CD226: variants seen among roughly 807,000 people sequenced by gnomAD.
CD226 encodes the protein CD226 molecule.
Under a neutral mutation model 34.9 loss-of-function variants are expected in CD226, and 24 were observed. The observed-to-expected ratio is 0.69, with a 90% CI of 0.50 to 0.97. The LOEUF (loss-of-function observed/expected upper bound fraction) is 0.97, where lower values mean the gene tolerates loss of function less well. Ranked by LOEUF, CD226 falls within the 50% of genes least tolerant of loss-of-function variation. The pLI is 0.00. For missense variants in CD226, 397 were observed against 412.7 expected (o/e 0.96, Z 0.33); for synonymous variants, 148 against 147.4 (o/e 1.00, Z -0.03).
rs79158855 is a variant in CD226, at chr18:69,895,916, C to T, written c.512G>A (p.Arg171His). 1.7e-3 allele frequency: 2,710 copies of T among 1,614,144 alleles called. 2 individuals are homozygous for T. The highest frequency in any genetic ancestry group is 2.2e-3 in the Non-Finnish European group (2,555 of 1,180,028). The change falls in exon 3 of 6, where the codon CGT becomes CAT. Residue 171 changes from arginine to histidine, a missense_variant. Coordinates refer to ENST00000582621, the MANE Select transcript of CD226 (RefSeq NM_001303618.2). The stretch of plus-strand genomic sequence containing the variant: ...GCAGTAAGTTAAGAGGTCGATCTGA[C>T]GGGGCTGGATCTTTTCCCACCTCAC... ...QAVRWEKIQP[R>H]QIDLLTYCNL...
chr18:69,943,598 T>C (rs1260864123), intron 2 of CD226, among the ~76,000 whole-genome samples: 1 of 152,228 alleles, frequency 6.6e-6, no homozygotes, highest in African/African-American at 2.4e-5. Context: ...GTAGCATTGA[T>C]AGGAGGTACA....
At chr18:69,902,720 G>A (rs1255391421) in intron 2 of CD226, among the ~76,000 whole-genome samples, 1 of 151,744 alleles carries the variant, frequency 6.6e-6, no homozygotes, top group Admixed American at 6.6e-5. Flanking sequence ...CCTCTCCCCA[G>A]GGTTTCTAAA....
At chr18:69,934,218 T>C (rs1157276952) in intron 2 of CD226, among the ~76,000 whole-genome samples, 1 of 151,938 alleles carries the variant, frequency 6.6e-6, no homozygotes, top group African/African-American at 2.4e-5. Flanking sequence ...TGACTTAAAA[T>C]TTGCTATAGT....
chr18:69,917,965 G>C (rs1002344199), intron 2 of CD226, among the ~76,000 whole-genome samples: 1 of 152,130 alleles, frequency 6.6e-6, no homozygotes. Flanking sequence ...TTGAAAACAA[G>C]TCAGCTGCCC....
At chr18:69,880,526 CT>C (rs1309630931) in intron 3 of CD226, among the ~76,000 whole-genome samples, 2 of 151,746 alleles carry the variant, frequency 1.3e-5, no homozygotes, top group African/African-American at 4.8e-5. Flanking sequence ...AAATTAATGT[CT>C]TAGAAGTAGA....
chr18:69,888,530 C>G lies in CD226; in HGVS notation c.727+7171G>C, dbSNP rs141424242. Among the ~76,000 whole-genome samples the G allele has an allele frequency of 4.4e-4, 67 of 151,470 alleles. No homozygotes were observed. In the South Asian group the frequency reaches 6.1e-3, roughly 14 times the overall value. On this transcript the variant is annotated intron_variant, in intron 3 of 5. Transcript: ENST00000582621. The stretch of plus-strand genomic sequence containing the variant: ...AATTCTTGGGCTCAAGGACTCCTAC[C>G]GCCTCAGCCTCCCAAAGCACCATGT...
rs1242190133 is a variant in CD226 at position 69,859,756 on chromosome 18, TTGCACTACA to T, written c.*4549_*4557del. On this transcript the variant is annotated 3_prime_UTR_variant, in exon 6 of 6. Coordinates refer to ENST00000582621, the MANE Select transcript of CD226 (RefSeq NM_001303618.2). ...AAAACCTGTAAAGCCCTTTGACCCT[TTGCACTACA>T]TGCACTTATAAAATACAAAGAACAA... is the stretch of plus-strand genomic sequence containing the variant. 1.3e-5 allele frequency: 2 copies of T among 152,140 alleles called. No individual in the cohort carries two copies. The highest frequency in any genetic ancestry group is 4.8e-5 in the African/African-American group (2 of 41,442). 9.4% of individuals were successfully genotyped at this position (152,140 alleles called of 1,614,324 possible). A position where few individuals can be genotyped will look rare whatever the true frequency, so the allele number is the denominator to read the frequency against.
upstream of CD226, among the ~76,000 whole-genome samples, chr18:69,950,496 C>G (rs897273922): frequency 6.6e-6 from 1 of 152,086 alleles, no homozygotes; most frequent in Non-Finnish European, 1.5e-5. Context: ...GGGGCTGCAG[C>G]CAAGCAGAGG....
intron 2 of CD226, among the ~76,000 whole-genome samples, chr18:69,937,065 G>A (rs978366965): frequency 1.4e-4 from 21 of 152,130 alleles, no homozygotes; most frequent in African/African-American, 3.1e-4. Flanking sequence ...AACAAAAGCC[G>A]AAATGAAAGT....
chr18:69,883,278 T>C (rs142581520), intron 3 of CD226, among the ~76,000 whole-genome samples: 41 of 152,292 alleles, frequency 2.7e-4, no homozygotes, highest in Middle Eastern at 3.4e-3. Flanking sequence ...ACCGTTGTTT[T>C]TTATAACAAT....
In CD226 at chr18:69,946,985, A is replaced by G. The variant is rs747794964; in HGVS notation, c.131T>C (p.Ile44Thr). The G allele has an allele frequency of 1.2e-5, 19 of 1,614,056 alleles. No homozygotes were observed. The Middle Eastern group carries it at 4.9e-4, about 42-fold the overall frequency. Residue 44 changes from isoleucine (I) to threonine (T), a missense_variant, in exon 2 of 6, where the codon ATC becomes ACC. Physicochemically the swap from Ile to Thr is moderately conservative, Grantham distance 89. Coordinates refer to ENST00000582621, the MANE Select transcript of CD226 (RefSeq NM_001303618.2). ...CTTGAACCACTCCACCTGTGTTAAG[A>G]TGCCCATTGATGGATACACACATTC... Reference protein sequence around the residue: ...SLECVYPSMGILTQVEWFKIG... With the variant: ...SLECVYPSMGTLTQVEWFKIG...
Position 69,861,559 on chromosome 18 carries a change from T to TATATATATATATATATAC in CD226, c.*2754_*2755insGTATATATATATATATAT, listed in dbSNP as rs1333835731. 1.4e-5 allele frequency: 2 copies of TATATATATATATATATAC among 145,060 alleles called. No homozygotes were observed. The highest frequency in any genetic ancestry group is 2.1e-4 in the South Asian group (1 of 4,656). 9.0% of individuals were successfully genotyped at this position (145,060 alleles called of 1,614,324 possible). ...TTATATGTGTATATATATATGTATATATATATATATATATGTAAAACTTAA... is the reference window on the plus strand; with the variant it reads ...TTATATGTGTATATATATATGTATATATATATATATATATATACATATATATATATATGTAAAACTTAA... On this transcript the variant is annotated 3_prime_UTR_variant, in exon 6 of 6. Coordinates refer to ENST00000582621, the MANE Select transcript of CD226 (RefSeq NM_001303618.2).
chr18:69,910,520 G>T (rs892187368), intron 2 of CD226, among the ~76,000 whole-genome samples: 51 of 152,220 alleles, frequency 3.4e-4, no homozygotes, highest in Admixed American at 3.3e-3. Context: ...GAAAAGCAAG[G>T]AGAGATAGAA....
intron 1 of CD226, among the ~76,000 whole-genome samples, chr18:69,955,838 G>A (rs1234007497): frequency 4.0e-5 from 5 of 123,928 alleles, no homozygotes; most frequent in African/African-American, 1.4e-4. Flanking sequence ...ACTCCAGCCT[G>A]GGCAAAGGAG....
intron 2 of CD226, among the ~76,000 whole-genome samples, chr18:69,940,425 A>G (rs969097992): frequency 6.6e-6 from 1 of 152,264 alleles, no homozygotes; most frequent in Non-Finnish European, 1.5e-5. Flanking sequence ...GCTCAGAAGA[A>G]GACAGGAAAA....
intron 2 of CD226, among the ~76,000 whole-genome samples, chr18:69,923,156 A>C (rs1026098857): frequency 2.0e-5 from 3 of 151,718 alleles, no homozygotes; most frequent in Non-Finnish European, 4.4e-5. Flanking sequence ...GAAAGAAAGA[A>C]AGAGAGAAAG....
chr18:69,895,746 C>A lies in CD226; in HGVS notation c.682G>T (p.Ala228Ser), dbSNP rs146723371. 1 of 1,614,002 alleles carries A rather than the reference C, an allele frequency of 6.2e-7. No homozygotes were observed. The highest frequency in any genetic ancestry group is 1.7e-5 in the Admixed American group (1 of 59,998). The change falls in exon 3 of 6, where the codon GCA becomes TCA. Residue 228 changes from alanine (A) to serine (S), a missense_variant. Transcript: ENST00000582621. Reference protein sequence around the residue: ...GLYRCYLQASAGENETFVMRL... With the variant: ...GLYRCYLQASSGENETFVMRL... The stretch of plus-strand genomic sequence containing the variant: ...ATCACGAAGGTTTCGTTTTCTCCTG[C>A]GCTGGCCTGCAAGTAGCAGCGGTAA...
intron 2 of CD226, among the ~76,000 whole-genome samples, chr18:69,933,467 G>A (rs2055613667): frequency 6.6e-6 from 1 of 152,076 alleles, no homozygotes; most frequent in African/African-American, 2.4e-5. Flanking sequence ...ATATTTCCAG[G>A]CCATGGTTTC....
upstream of CD226, among the ~76,000 whole-genome samples, chr18:69,959,242 A>C (rs982394318): frequency 6.6e-6 from 1 of 152,242 alleles, no homozygotes; most frequent in Non-Finnish European, 1.5e-5. Flanking sequence ...AGATGTCCTA[A>C]ATGTTCTAAC....
Sources: gnomAD v4.1 joint callset for allele counts (sites outside exome capture counted in the v4.1 genomes callset) on GRCh38, gnomAD v4.1.1 for gene constraint, MANE v1.5 for transcripts, NCBI Gene and HGNC (gene_info 2026-07-23, HGNC 2026-07-21) for gene names.